Variants in PABPC4L observed in about 807,000 individuals in gnomAD.
PABPC4L encodes the protein polyadenylate-binding protein 4-like.
For synonymous variants in PABPC4L, 169 were observed against 164.1 expected (o/e 1.03, Z -0.23); for missense variants, 452 against 451.4 (o/e 1.00, Z -0.01).
chr4:134,089,475 G>T, the PABPC4L span, among the ~76,000 whole-genome samples: 1,806 of 152,088 alleles, frequency 0.012, 42 homozygotes, highest in African/African-American at 0.041. Context: ...GACAAATAAT[G>T]ACACTTAGCT....
chr4:134,180,125 AT>A, the PABPC4L span, among the ~76,000 whole-genome samples: 68,675 of 151,794 alleles, frequency 0.45, 17,994 homozygotes, highest in East Asian at 0.98. Flanking sequence ...ATACTGTAAA[AT>A]TGTCCACAGA....
At chr4:133,992,396 A>T in the PABPC4L span, among the ~76,000 whole-genome samples, 1 of 152,214 alleles carries the variant, frequency 6.6e-6, no homozygotes, top group East Asian at 1.9e-4. Context: ...AAAGAATGTT[A>T]AGACATTTCC....
At chr4:134,040,199 G>T in the PABPC4L span, among the ~76,000 whole-genome samples, 5 of 116,384 alleles carry the variant, frequency 4.3e-5, no homozygotes, top group East Asian at 2.6e-4. Flanking sequence ...TTTCATCACA[G>T]AATTGGAAAA....
At chr4:134,019,928 TGACA>T in the PABPC4L span, among the ~76,000 whole-genome samples, 1 of 152,128 alleles carries the variant, frequency 6.6e-6, no homozygotes, top group African/African-American at 2.4e-5. Flanking sequence ...GACTTAGAGA[TGACA>T]GACAACCAGA....
chr4:133,975,264 T>C, the PABPC4L span, among the ~76,000 whole-genome samples: 1 of 152,236 alleles, frequency 6.6e-6, no homozygotes, highest in East Asian at 1.9e-4. Flanking sequence ...GTGATTCCAT[T>C]TACATAAATC....
In PABPC4L at chr4:134,199,926, G is replaced by A; in HGVS notation, c.1094C>T (p.Ala365Val). The A allele has an allele frequency of 1.3e-6, 2 of 1,551,528 alleles. No individual in the cohort carries two copies. Among genetic ancestry groups the A allele is most frequent in the South Asian group, 2.4e-5 (2 of 84,056 alleles). ...RILGSKPLSI[A>V]LAQRH Reference sequence around the variant, plus strand: ...TCTTTCCTAGTGTCTCTGGGCCAAGGCAATGCTAAGAGGTTTGGAGCCCAA... The same window carrying A: ...TCTTTCCTAGTGTCTCTGGGCCAAGACAATGCTAAGAGGTTTGGAGCCCAA... The change falls in exon 2 of 2, where the codon GCC (alanine) becomes GTC (valine). Residue 365 changes from alanine to valine, a missense_variant. Coordinates refer to ENST00000421491, the MANE Select transcript of PABPC4L (RefSeq NM_001114734.2).
chr4:133,957,666 C>A, the PABPC4L span, among the ~76,000 whole-genome samples: 1 of 152,168 alleles, frequency 6.6e-6, no homozygotes, highest in Non-Finnish European at 1.5e-5. Context: ...AGGGATGCAC[C>A]CCAGCAGTAA....
downstream of PABPC4L, among the ~76,000 whole-genome samples, chr4:134,192,929 T>C (rs1199673498): frequency 6.6e-6 from 1 of 152,016 alleles, no homozygotes; most frequent in African/African-American, 2.4e-5. Flanking sequence ...TTGACTTGAG[T>C]GGTAGTTACA....
chr4:134,059,603 T>C, the PABPC4L span, among the ~76,000 whole-genome samples: 2 of 151,334 alleles, frequency 1.3e-5, no homozygotes, highest in African/African-American at 4.8e-5. Context: ...ATGAACAAGA[T>C]ATCATAAAAT....
chr4:133,973,096 T>C, the PABPC4L span, among the ~76,000 whole-genome samples: 2,673 of 152,240 alleles, frequency 0.018, 33 homozygotes, highest in East Asian at 0.031. Flanking sequence ...AGCCAACAAG[T>C]TTACTGCTAA....
At chr4:134,113,058 A>C in the PABPC4L span, among the ~76,000 whole-genome samples, 1 of 151,974 alleles carries the variant, frequency 6.6e-6, no homozygotes, top group African/African-American at 2.4e-5. Flanking sequence ...AAAATGGAAA[A>C]AAATTTATAG....
chr4:133,967,199 C>T, the PABPC4L span, among the ~76,000 whole-genome samples: 5 of 151,992 alleles, frequency 3.3e-5, no homozygotes, highest in African/African-American at 4.8e-5. Flanking sequence ...GGGCCAGGCA[C>T]GGTGGCCCAT....
chr4:134,171,126 A>G, the PABPC4L span, among the ~76,000 whole-genome samples: 3 of 152,054 alleles, frequency 2.0e-5, no homozygotes, highest in Middle Eastern at 3.4e-3. Context: ...GTTTTTGGCC[A>G]CTTGTATGCA....
chr4:134,062,313 A>AT, the PABPC4L span, among the ~76,000 whole-genome samples: 1 of 151,814 alleles, frequency 6.6e-6, no homozygotes, highest in African/African-American at 2.4e-5. Context: ...GCAGGTCAGT[A>AT]TATTTTTTGC....
chr4:133,976,921 G>GAT, the PABPC4L span, among the ~76,000 whole-genome samples: 1 of 151,420 alleles, frequency 6.6e-6, no homozygotes, highest in African/African-American at 2.4e-5. Flanking sequence ...ATTTTAATTA[G>GAT]ATCCCATTTG....
At chr4:133,996,154 T>C in the PABPC4L span, among the ~76,000 whole-genome samples, 1 of 152,138 alleles carries the variant, frequency 6.6e-6, no homozygotes, top group South Asian at 2.1e-4. Flanking sequence ...TTTGGTATTT[T>C]TGCCAGAGAA....
chr4:134,124,432 T>A, the PABPC4L span, among the ~76,000 whole-genome samples: 1 of 152,138 alleles, frequency 6.6e-6, no homozygotes, highest in Admixed American at 6.6e-5. Context: ...ATTAAATTTC[T>A]TATAAACAAT....
At chr4:133,948,988 C>A in the PABPC4L span, among the ~76,000 whole-genome samples, 1 of 152,286 alleles carries the variant, frequency 6.6e-6, no homozygotes, top group South Asian at 2.1e-4. Context: ...GAGAGCTAAC[C>A]ATTCCATGAG....
chr4:134,103,161 T>C, the PABPC4L span, among the ~76,000 whole-genome samples: 1 of 151,582 alleles, frequency 6.6e-6, no homozygotes, highest in Non-Finnish European at 1.5e-5. Context: ...AAATAAAATA[T>C]AGGTTATTCC....
Sources: gnomAD v4.1 joint callset for allele counts (sites outside exome capture counted in the v4.1 genomes callset) on GRCh38, gnomAD v4.1.1 for gene constraint, MANE v1.5 for transcripts, NCBI Gene and HGNC (gene_info 2026-07-23, HGNC 2026-07-21) for gene names.